COL19A1: variants seen among roughly 807,000 people sequenced by gnomAD.
COL19A1 encodes collagen type XIX alpha 1 chain.
In COL19A1, 159 loss-of-function variants were observed where a neutral mutation model predicts 190.2. That is an observed-to-expected ratio of 0.84 (90% confidence interval 0.73 to 0.95). The LOEUF is 0.95. Ranked by LOEUF, COL19A1 falls within the 40% of genes least tolerant of loss-of-function variation. The pLI, the probability that COL19A1 is intolerant of heterozygous loss-of-function variation, is 0.00. For synonymous variants in COL19A1, 509 were observed against 458.9 expected, an observed-to-expected ratio of 1.11 and a Z score of -1.39; for missense variants, 1,418 against 1,431.9, an observed-to-expected ratio of 0.99 and a Z score of 0.16.
At chr6:70,092,414 C>G (rs983317025) in intron 15 of COL19A1, among the ~76,000 whole-genome samples, 9 of 152,154 alleles carry the variant, frequency 5.9e-5, no homozygotes, top group Non-Finnish European at 1.0e-4. Context: ...AAGGCAAGCT[C>G]TAGGTCTTAA....
chr6:70,086,068 G>C (rs1782571173), intron 15 of COL19A1, among the ~76,000 whole-genome samples: 1 of 152,086 alleles, frequency 6.6e-6, no homozygotes, highest in South Asian at 2.1e-4. Context: ...TGGGGTGAAA[G>C]ACTTGAGCAA....
intron 16 of COL19A1, among the ~76,000 whole-genome samples, chr6:70,105,618 C>G (rs937231196): frequency 6.6e-6 from 1 of 152,014 alleles, no homozygotes; most frequent in African/African-American, 2.4e-5. Context: ...ATTTATATTT[C>G]TTTTCCAACA....
chr6:70,148,971 T>C (rs2025283), intron 27 of COL19A1, among the ~76,000 whole-genome samples: 113,053 of 151,238 alleles, frequency 0.75, 43,250 homozygotes, highest in African/African-American at 0.91. Flanking sequence ...TGATGGTGGT[T>C]GAGGAAAAAA....
At chr6:69,891,077 A>G in intron 2 of COL19A1, 1 of 306,082 alleles carries the variant, frequency 3.3e-6, no homozygotes, top group Non-Finnish European at 6.8e-6. Flanking sequence ...GAAGGCAAGA[A>G]CAGACAAACC....
At chr6:69,916,200 T>C (rs1440904916) in intron 4 of COL19A1, among the ~76,000 whole-genome samples, 1 of 152,192 alleles carries the variant, frequency 6.6e-6, no homozygotes, top group Non-Finnish European at 1.5e-5. Flanking sequence ...CCTCCCAAAG[T>C]GCAGGGATTA....
At chr6:69,896,394 G>T (rs926531732) in intron 2 of COL19A1, among the ~76,000 whole-genome samples, 4 of 151,500 alleles carry the variant, frequency 2.6e-5, no homozygotes, top group Admixed American at 1.3e-4. Context: ...AAAATTAGCC[G>T]GGCGCGGTGG....
chr6:70,078,510 C>T (rs1245361188), intron 15 of COL19A1, among the ~76,000 whole-genome samples: 1 of 152,170 alleles, frequency 6.6e-6, no homozygotes, highest in Non-Finnish European at 1.5e-5. Flanking sequence ...GAGGCTTGCC[C>T]TCACAGGGTG....
chr6:70,063,105 T>C, intron 14 of COL19A1, among the ~76,000 whole-genome samples: 1 of 152,062 alleles, frequency 6.6e-6, no homozygotes, highest in South Asian at 2.1e-4. Flanking sequence ...ATCCAGAAAT[T>C]GAATTCAGCT....
rs762787742 is a variant in COL19A1, at chr6:69,960,023, G to A, written c.964G>A (p.Gly322Arg). 6.8e-6 allele frequency: 11 copies of A among 1,613,330 alleles called. No individual in the cohort carries two copies. In the South Asian group the frequency reaches 9.9e-5, roughly 15 times the overall value. ...PGENGLHGAP[G>R]FPGQKGEQGF... ...TGAAAATGGTTTACATGGTGCTCCAGGATTCCCTGGTCAAAAGGTAAAGAG... is the reference window on the plus strand; with the variant it reads ...TGAAAATGGTTTACATGGTGCTCCAAGATTCCCTGGTCAAAAGGTAAAGAG... The change falls in exon 10 of 51, where the codon GGA becomes AGA. Residue 322 changes from glycine (G) to arginine (R), a missense_variant. Gly to Arg is a moderately radical substitution (Grantham distance 125). Transcript: ENST00000620364.
intron 49 of COL19A1, among the ~76,000 whole-genome samples, chr6:70,204,476 A>G (rs945835138): frequency 9.2e-5 from 14 of 152,234 alleles, no homozygotes; most frequent in Non-Finnish European, 1.5e-4. Context: ...TATTAACCTA[A>G]TGAACTGAGA....
intron 16 of COL19A1, among the ~76,000 whole-genome samples, chr6:70,118,253 T>A (rs1442011075): frequency 6.6e-6 from 1 of 152,222 alleles, no homozygotes; most frequent in African/African-American, 2.4e-5. Flanking sequence ...GCTGGTAGGA[T>A]AGCCACCAAT....
At chr6:70,121,037 T>G (rs914804496) in intron 16 of COL19A1, among the ~76,000 whole-genome samples, 1 of 152,230 alleles carries the variant, frequency 6.6e-6, no homozygotes, top group African/African-American at 2.4e-5. Context: ...GGTAACATGT[T>G]AAGAACTTGG....
chr6:69,991,331 G>A (rs143437551), intron 11 of COL19A1, among the ~76,000 whole-genome samples: 1,624 of 152,062 alleles, frequency 0.011, 33 homozygotes, highest in African/African-American at 0.037. Flanking sequence ...CTTTGCTATT[G>A]TGAATACTGC....
intron 15 of COL19A1, among the ~76,000 whole-genome samples, chr6:70,087,455 C>T (rs1237797834): frequency 6.6e-6 from 1 of 152,032 alleles, no homozygotes; most frequent in East Asian, 1.9e-4. Flanking sequence ...GCAGAAATTT[C>T]AAGGAACTTT....
intron 15 of COL19A1, among the ~76,000 whole-genome samples, chr6:70,092,824 G>T (rs907758930): frequency 3.3e-5 from 5 of 152,098 alleles, no homozygotes; most frequent in South Asian, 4.1e-4. Flanking sequence ...ACTATGTCCT[G>T]TCACTTTACC....
chr6:70,176,051 G>A (rs802183), intron 41 of COL19A1, among the ~76,000 whole-genome samples: 8,664 of 152,098 alleles, frequency 0.057, 838 homozygotes, highest in African/African-American at 0.2. Flanking sequence ...CTTCTAATTG[G>A]CCAAATGAGA....
chr6:70,130,463 T>C (rs552174946), intron 18 of COL19A1, among the ~76,000 whole-genome samples: 2 of 152,362 alleles, frequency 1.3e-5, no homozygotes, highest in African/African-American at 4.8e-5. Context: ...TGACCTCAGG[T>C]GATCCACCTG....
chr6:70,106,319 TAA>T (rs113152516), intron 16 of COL19A1, among the ~76,000 whole-genome samples: 1 of 128,644 alleles, frequency 7.8e-6, no homozygotes, highest in Admixed American at 8.4e-5. Context: ...GACAAATAGC[TAA>T]GTGTGTGCGT....
intron 12 of COL19A1, 114 bp from the exon 13 acceptor site, chr6:70,034,131 A>C: frequency 1.3e-6 from 1 of 765,920 alleles, no homozygotes; most frequent in East Asian, 2.6e-5. Context: ...TCTATACTAC[A>C]AAAGGAAGAA....
Sources: allele counts gnomAD v4.1 joint callset (sites outside exome capture counted in the v4.1 genomes callset), GRCh38; gene constraint gnomAD v4.1.1; transcripts MANE v1.5; gene names NCBI Gene and HGNC (gene_info 2026-07-23, HGNC 2026-07-21).